The following PDE4D variants were observed in gnomAD, a reference collection of about 807,000 sequenced individuals.
The protein encoded by PDE4D is phosphodiesterase 4D.
In PDE4D, 24 loss-of-function variants were observed where a neutral mutation model predicts 87.4. The ratio of observed to expected loss-of-function variants is 0.27; its 90% CI spans 0.20 to 0.39. PDE4D has a LOEUF of 0.39. PDE4D is among the 10% of genes least tolerant of loss of function. The pLI is 1.00. For missense variants in PDE4D, 714 were observed against 1,041.0 expected, an observed-to-expected ratio of 0.69 and a Z score of 4.32; for synonymous variants, 384 against 383.2, an observed-to-expected ratio of 1.00 and a Z score of -0.02.
chr5:60,159,101 T>G lies in PDE4D; in HGVS notation c.42+26456A>C, dbSNP rs1782252284. 4.6e-5 allele frequency among the ~76,000 whole-genome samples: 7 copies of G among 152,208 alleles called. No individual in the cohort carries two copies. The South Asian group carries it at 1.4e-3, about 31-fold the overall frequency. On this transcript the variant is annotated intron_variant, in intron 2 of 16. Coordinates refer to the PDE4D transcript ENST00000502484. Reference sequence around the variant, plus strand: ...TTAAAATTAACTTTTTAAACTTTTTTGTTAAAAACTAAGACAGAAACCCAT... The same window carrying G: ...TTAAAATTAACTTTTTAAACTTTTTGGTTAAAAACTAAGACAGAAACCCAT...
At chr5:59,466,418 GT>G (rs1184314864) in intron 1 of PDE4D, among the ~76,000 whole-genome samples, 1 of 152,128 alleles carries the variant, frequency 6.6e-6, no homozygotes, top group Non-Finnish European at 1.5e-5. Flanking sequence ...ATTGTTTTCT[GT>G]GGTATGAGGC....
chr5:59,506,007 AT>A lies in PDE4D; in HGVS notation c.456-290040del, dbSNP rs571842086. Among the ~76,000 whole-genome samples the A allele has an allele frequency of 2.7e-4, 41 of 152,110 alleles. No homozygotes were observed. The East Asian group carries it at 6.8e-3, about 25-fold the overall frequency. On this transcript the variant is annotated intron_variant, in intron 1 of 14. Coordinates refer to ENST00000340635, the MANE Select transcript of PDE4D (RefSeq NM_001104631.2). ...CAAGACAATGGAATAAATGCTTTTA[AT>A]TTTTTTTCAATAATTATGTCAAAAT...
At chr5:60,215,711 C>T (rs1583102952) in intron 1 of PDE4D, among the ~76,000 whole-genome samples, 1 of 152,190 alleles carries the variant, frequency 6.6e-6, no homozygotes, top group East Asian at 1.9e-4. Flanking sequence ...ATGTTGGGGC[C>T]CTATCCCAGA....
At chr5:59,867,847 C>A (rs1000583529) in intron 1 of PDE4D, among the ~76,000 whole-genome samples, 5 of 152,120 alleles carry the variant, frequency 3.3e-5, no homozygotes, top group Middle Eastern at 3.2e-3. Flanking sequence ...TATATTATGT[C>A]TTAGCATTTG....
At chr5:60,094,310 T>A (rs1775442646) in intron 2 of PDE4D, among the ~76,000 whole-genome samples, 1 of 152,202 alleles carries the variant, frequency 6.6e-6, no homozygotes, top group African/African-American at 2.4e-5. Context: ...TAAATGTTAA[T>A]GAAAATATAT....
rs139657027 is a variant in PDE4D at position 59,353,018 on chromosome 5, T to C, written c.456-137050A>G. On this transcript the variant is annotated intron_variant, in intron 1 of 14. Coordinates refer to ENST00000340635, the MANE Select transcript of PDE4D (RefSeq NM_001104631.2). ...AAAGGGCAAGAAAACTAGAAGACAC[T>C]TTCTGTTTCTGGCCTGTGGAATGCT... Among the ~76,000 whole-genome samples the C allele has an allele frequency of 1.7e-3, 257 of 152,258 alleles. 1 individual carries two copies. Among genetic ancestry groups the C allele is most frequent in the African/African-American group, 6.0e-3 (250 of 41,554 alleles).
chr5:59,533,913 G>A (rs1241678388), intron 1 of PDE4D, among the ~76,000 whole-genome samples: 1 of 152,076 alleles, frequency 6.6e-6, no homozygotes, highest in Non-Finnish European at 1.5e-5. Context: ...GAAAATCTGA[G>A]TCAGCAATTA....
At chr5:60,473,971 T>C (rs1339119560) in intron 1 of PDE4D, among the ~76,000 whole-genome samples, 1 of 150,056 alleles carries the variant, frequency 6.7e-6, no homozygotes, top group Non-Finnish European at 1.5e-5. Flanking sequence ...AGTCACATCC[T>C]TGCCTCAAGG....
chr5:59,401,556 T>C (rs894417482), intron 1 of PDE4D, among the ~76,000 whole-genome samples: 2 of 152,044 alleles, frequency 1.3e-5, no homozygotes, highest in African/African-American at 4.8e-5. Flanking sequence ...GAGGGTGGCG[T>C]GCAATTGAGA....
chr5:59,932,125 T>C (rs1046543791), intron 3 of PDE4D, among the ~76,000 whole-genome samples: 51 of 152,344 alleles, frequency 3.3e-4, no homozygotes, highest in Non-Finnish European at 1.6e-4. Flanking sequence ...TTAGAAACCA[T>C]CCACATTCAG....
chr5:59,561,586 T>C (rs1232686275), intron 1 of PDE4D, among the ~76,000 whole-genome samples: 3 of 152,220 alleles, frequency 2.0e-5, no homozygotes, highest in Admixed American at 6.5e-5. Flanking sequence ...TTTATTCTAA[T>C]TACTTTTAGA....
chr5:60,131,838 TCATTTCAATGTCCATCAG>T (rs1249456582), intron 2 of PDE4D, among the ~76,000 whole-genome samples: 9 of 152,370 alleles, frequency 5.9e-5, no homozygotes, highest in African/African-American at 1.9e-4. Context: ...TCTATGTTTC[TCATTTCAATGTCCATCAG>T]CATTGGCTTA....
Position 60,417,990 on chromosome 5 carries a change from C to T in PDE4D, c.-90+69952G>A, listed in dbSNP as rs545472136. On this transcript the variant is annotated intron_variant, in intron 1 of 16. Transcript: ENST00000502484. ...AATTCACTTTTCAGTATACTGCAGA[C>T]AAGAACCTGAAAAAGAGACTCCTGA... 1.2e-4 allele frequency among the ~76,000 whole-genome samples: 19 copies of T among 152,104 alleles called. No homozygotes were observed. In the South Asian group the frequency reaches 3.7e-3, roughly 30 times the overall value.
At chr5:59,809,630 C>T (rs1768117734) in intron 1 of PDE4D, among the ~76,000 whole-genome samples, 2 of 152,184 alleles carry the variant, frequency 1.3e-5, no homozygotes, top group African/African-American at 4.8e-5. Context: ...GAGCATGTGT[C>T]TCTTATGTAC....
chr5:59,159,432 C>G (rs1394457011), intron 5 of PDE4D, among the ~76,000 whole-genome samples: 1 of 152,180 alleles, frequency 6.6e-6, no homozygotes, highest in African/African-American at 2.4e-5. Flanking sequence ...CACACCTAGA[C>G]AGTTTCTTTT....
intron 1 of PDE4D, among the ~76,000 whole-genome samples, chr5:59,409,107 C>A (rs928025587): frequency 2.0e-5 from 3 of 150,138 alleles, no homozygotes; most frequent in African/African-American, 7.4e-5. Flanking sequence ...AAGATTGCAC[C>A]ATTGCACTCC....
intron 1 of PDE4D, among the ~76,000 whole-genome samples, chr5:60,432,999 C>A (rs367714632): frequency 2.7e-4 from 41 of 152,218 alleles, no homozygotes; most frequent in African/African-American, 9.9e-4. Context: ...CTAGGAAATA[C>A]CATTCTAAAC....
At chr5:60,483,384 T>G (rs1352101366) in intron 1 of PDE4D, among the ~76,000 whole-genome samples, 1 of 152,198 alleles carries the variant, frequency 6.6e-6, no homozygotes, top group African/African-American at 2.4e-5. Flanking sequence ...AGATTGGTCA[T>G]TCCTTCATTA....
chr5:59,655,207 C>T (rs137935460), intron 1 of PDE4D, among the ~76,000 whole-genome samples: 42 of 151,746 alleles, frequency 2.8e-4, no homozygotes, highest in African/African-American at 9.9e-4. Context: ...GTTCAGTTTG[C>T]GGCCACACAT....
Sources: gnomAD v4.1 joint callset for allele counts (sites outside exome capture counted in the v4.1 genomes callset) on GRCh38, gnomAD v4.1.1 for gene constraint, MANE v1.5 for transcripts, NCBI Gene and HGNC (gene_info 2026-07-23, HGNC 2026-07-21) for gene names.